Variants in CLEC2D observed in about 807,000 individuals in gnomAD.
CLEC2D encodes C-type lectin related f.
Under a neutral mutation model 20.0 loss-of-function variants are expected in CLEC2D, and 16 were observed. That is an observed-to-expected ratio of 0.80 (90% CI 0.54 to 1.22). CLEC2D has a LOEUF of 1.22. Ranked by LOEUF, CLEC2D falls within the 50% of genes most tolerant of loss-of-function variation. CLEC2D has a pLI of 0.00. For synonymous variants in CLEC2D, 77 were observed against 71.1 expected (o/e 1.08, Z -0.42); for missense variants, 207 against 221.5 (o/e 0.93, Z 0.42).
intron 3 of CLEC2D, among the ~76,000 whole-genome samples, chr12:9,689,844 A>G (rs767401132): frequency 1.3e-5 from 2 of 152,104 alleles, no homozygotes; most frequent in Non-Finnish European, 2.9e-5. Flanking sequence ...AAGAATGAAG[A>G]TAAATAAATT....
intron 4 of CLEC2D, among the ~76,000 whole-genome samples, chr12:9,694,522 T>C (rs766119976): frequency 1.3e-5 from 2 of 152,320 alleles, no homozygotes; most frequent in Admixed American, 1.3e-4. Context: ...CTTGAAAGAA[T>C]ATTATGCTTA....
rs775069923 is a variant in CLEC2D at position 9,693,114 on chromosome 12, T to C, written c.461+183T>C. 15 of 1,610,948 alleles carry C rather than the reference T, an allele frequency of 9.3e-6. No individual in the cohort carries two copies. The South Asian group carries it at 1.4e-4, about 15-fold the overall frequency. On this transcript the variant is annotated intron_variant, in intron 4 of 4. Coordinates refer to ENST00000290855, the MANE Select transcript of CLEC2D (RefSeq NM_013269.6). ...CCTCGAATGAATCCAAGACCTGTCA[T>C]GGTGAGGTAGACTGACTGTGAACTT...
Position 9,687,959 on chromosome 12 carries a change from A to G in CLEC2D, c.230A>G (p.Glu77Gly). The change falls in exon 3 of 5, where the codon GAA becomes GGA. Residue 77 changes from glutamate to glycine, a missense_variant. Transcript: ENST00000290855. ...PSVCLQAACPESWIGFQRKCF... is the reference protein window; with the variant it reads ...PSVCLQAACPGSWIGFQRKCF... ...GTATGTCTTCAAGCTGCATGCCCAG[A>G]AAGCTGGATTGGTTTTCAAAGAAAG... 6.2e-7 allele frequency: 1 copy of G among 1,612,078 alleles called. No homozygotes were observed. Among genetic ancestry groups the G allele is most frequent in the Middle Eastern group, 1.7e-4 (1 of 6,058 alleles).
chr12:9,697,089 T>G lies in CLEC2D; in HGVS notation c.*2215T>G, dbSNP rs1591708001. On this transcript the variant is annotated 3_prime_UTR_variant, in exon 5 of 5. Coordinates refer to ENST00000290855, the MANE Select transcript of CLEC2D (RefSeq NM_013269.6). Reference sequence around the variant, plus strand: ...TATTATTCAGCCTTGTAAAAAGAAATCCTGTTATGTTGGGAACAAGCCCCC... The same window carrying G: ...TATTATTCAGCCTTGTAAAAAGAAAGCCTGTTATGTTGGGAACAAGCCCCC... 6.6e-6 allele frequency: 1 copy of G among 151,810 alleles called. No individual in the cohort carries two copies. The highest frequency in any genetic ancestry group is 1.9e-4 in the East Asian group (1 of 5,190). 9.4% of individuals were successfully genotyped at this position (151,810 alleles called of 1,614,324 possible). A position where few individuals can be genotyped will look rare whatever the true frequency, so the allele number is the denominator to read the frequency against.
At chr12:9,684,719 C>T (rs1416513160) in intron 2 of CLEC2D, among the ~76,000 whole-genome samples, 1 of 152,014 alleles carries the variant, frequency 6.6e-6, no homozygotes, top group Non-Finnish European at 1.5e-5. Context: ...ACTTTCATCC[C>T]AGGGATGAAA....
chr12:9,676,002 A>G (rs1591689512), intron 1 of CLEC2D, among the ~76,000 whole-genome samples: 1 of 152,218 alleles, frequency 6.6e-6, no homozygotes, highest in Admixed American at 6.5e-5. Context: ...GCAACCTTAC[A>G]TATCAGTAAC....
At chr12:9,691,816 C>T (rs1865869904) in intron 3 of CLEC2D, among the ~76,000 whole-genome samples, 1 of 152,122 alleles carries the variant, frequency 6.6e-6, no homozygotes, top group Non-Finnish European at 1.5e-5. Flanking sequence ...ATCTCAAATC[C>T]ATAGCCTAAC....
At position 9,696,988 on chromosome 12, in the gene CLEC2D, TAAAG is replaced by T; in HGVS notation, c.*2118_*2121del. 6.6e-6 allele frequency: 1 copy of T among 151,786 alleles called. No individual in the cohort carries two copies. The highest frequency in any genetic ancestry group is 6.6e-5 in the Admixed American group (1 of 15,198). The allele number at this position is 151,786 out of a possible 1,614,324, so 9.4% of individuals were successfully genotyped here. On this transcript the variant is annotated 3_prime_UTR_variant, in exon 5 of 5. Coordinates refer to ENST00000290855, the MANE Select transcript of CLEC2D (RefSeq NM_013269.6). ...AAGTGACCATTAACAGATGAATGGATAAAGAAATTGTCATATATATAAAACACAC... is the reference window on the plus strand; with the variant it reads ...AAGTGACCATTAACAGATGAATGGATAAATTGTCATATATATAAAACACAC...
chr12:9,672,707 G>A (rs974987664), intron 1 of CLEC2D, among the ~76,000 whole-genome samples: 1 of 152,084 alleles, frequency 6.6e-6, no homozygotes, highest in African/African-American at 2.4e-5. Context: ...CCAGTCAGTG[G>A]TAGGTTCGGT....
At chr12:9,694,696 C>T in intron 4 of CLEC2D, 64 bp from the exon 5 acceptor site, 1 of 881,728 alleles carries the variant, frequency 1.1e-6, no homozygotes, top group South Asian at 1.3e-5. Flanking sequence ...ATTTTCTCAT[C>T]TTCATTCTCT....
rs182322276 is a variant in CLEC2D at position 9,670,325 on chromosome 12, A to G, written c.61+530A>G. ...TATATGATGCTTTAGTAAGTGAAAAAAATGACTTTTGCCACAGTTAGGGAA... is the reference window on the plus strand; with the variant it reads ...TATATGATGCTTTAGTAAGTGAAAAGAATGACTTTTGCCACAGTTAGGGAA... On this transcript the variant is annotated intron_variant, in intron 1 of 4. Transcript: ENST00000290855. Among the ~76,000 whole-genome samples, 138 of 152,328 alleles carry G rather than the reference A, an allele frequency of 9.1e-4. 1 individual carries two copies. The highest frequency in any genetic ancestry group is 3.1e-3 in the African/African-American group (127 of 41,572).
chr12:9,694,707 C>T, intron 4 of CLEC2D, 53 bp from the exon 5 acceptor site: 1 of 914,566 alleles, frequency 1.1e-6, no homozygotes. Context: ...TTCATTCTCT[C>T]TGCTGTTGAA....
chr12:9,671,391 T>G (rs1260368963), intron 1 of CLEC2D, among the ~76,000 whole-genome samples: 1 of 152,162 alleles, frequency 6.6e-6, no homozygotes. Flanking sequence ...CGGCTACTTT[T>G]TTGTATTTTT....
intron 1 of CLEC2D, among the ~76,000 whole-genome samples, chr12:9,675,995 A>G (rs1865514456): frequency 6.6e-6 from 1 of 152,248 alleles, no homozygotes; most frequent in South Asian, 2.1e-4. Flanking sequence ...GCATTCTGCA[A>G]CCTTACATAT....
intron 3 of CLEC2D, among the ~76,000 whole-genome samples, chr12:9,689,402 C>T (rs1306050166): frequency 6.6e-6 from 1 of 152,022 alleles, no homozygotes; most frequent in East Asian, 1.9e-4. Context: ...AGAGTTACCA[C>T]AACATAGTAT....
chr12:9,685,336 G>T (rs983786045), intron 2 of CLEC2D, among the ~76,000 whole-genome samples: 4 of 152,214 alleles, frequency 2.6e-5, no homozygotes, highest in Admixed American at 6.5e-5. Flanking sequence ...ACTTGAAAAG[G>T]CAGTCTTTCC....
intron 1 of CLEC2D, 71 bp from the exon 2 acceptor site, chr12:9,680,846 CATTTTG>C: frequency 1.4e-6 from 1 of 717,900 alleles, no homozygotes; most frequent in Non-Finnish European, 2.4e-6. Context: ...ATAAAAATAA[CATTTTG>C]ATGCTTAATG....
chr12:9,685,276 C>A (rs1031525916), intron 2 of CLEC2D, among the ~76,000 whole-genome samples: 1 of 152,202 alleles, frequency 6.6e-6, no homozygotes, highest in Non-Finnish European at 1.5e-5. Flanking sequence ...TGCCTATCAA[C>A]CCCTGCTAGG....
rs771354128 is a variant in CLEC2D at position 9,671,495 on chromosome 12, C to T, written c.61+1700C>T. Among the ~76,000 whole-genome samples the T allele has an allele frequency of 6.2e-4, 94 of 152,354 alleles. 1 individual carries two copies. The South Asian group carries it at 0.019, about 32-fold the overall frequency. ...TCGGCCTCCCAAACTGCTGGGATTA[C>T]AGGCGTGAGCCACCGCGCCCGGCCG... On this transcript the variant is annotated intron_variant, in intron 1 of 4. Transcript: ENST00000290855.
Sources: allele counts gnomAD v4.1 joint callset (sites outside exome capture counted in the v4.1 genomes callset), GRCh38; gene constraint gnomAD v4.1.1; transcripts MANE v1.5; gene names NCBI Gene and HGNC (gene_info 2026-07-23, HGNC 2026-07-21).